Variants in CDH8 observed in about 807,000 individuals in gnomAD.
CDH8 encodes the protein cadherin-8.
In CDH8, 17 loss-of-function variants were observed where a neutral mutation model predicts 68.1. That is an observed-to-expected ratio of 0.25 (90% confidence interval 0.17 to 0.37). The LOEUF (loss-of-function observed/expected upper bound fraction) is 0.37, where lower values mean the gene tolerates loss of function less well. Ranked by LOEUF, CDH8 falls within the 10% of genes least tolerant of loss-of-function variation. The pLI is 1.00. For missense variants in CDH8, 763 were observed against 999.3 expected (o/e 0.76, Z 3.19); for synonymous variants, 372 against 365.1 (o/e 1.02, Z -0.21).
Position 61,803,477 on chromosome 16 carries a change from A to C in CDH8, c.1278-13995T>G, listed in dbSNP as rs1173079020. On this transcript the variant is annotated intron_variant, in intron 7 of 11. Coordinates refer to ENST00000577390, the MANE Select transcript of CDH8 (RefSeq NM_001796.5). ...ATTCACACATAACAATATTAACTTT[A>C]AATGTAAATGGACTAAATTCTCCAT... is the stretch of plus-strand genomic sequence containing the variant. 6.0e-5 allele frequency among the ~76,000 whole-genome samples: 9 copies of C among 150,692 alleles called. No homozygotes were observed. In the South Asian group the frequency reaches 1.9e-3, roughly 32 times the overall value.
In CDH8 at chr16:61,953,895, T is replaced by TTATATATATATATATATATATATATATA. The variant is rs66743095; in HGVS notation, c.253-52450_253-52423dup. Among the ~76,000 whole-genome samples the TTATATATATATATATATATATATATATA allele has an allele frequency of 7.0e-4, 83 of 118,828 alleles. 1 individual carries two copies. The highest frequency in any genetic ancestry group is 2.8e-3 in the African/African-American group (75 of 26,566). 78.0% of individuals were successfully genotyped at this position (118,828 alleles called of 152,430 possible). A position where few individuals can be genotyped will look rare whatever the true frequency, so the allele number is the denominator to read the frequency against. ...CTGTCTCAAAAAGAAAAAAAAAACT[T>TTATATATATATATATATATATATATATA]TATATATATATATATATATATATAT... On this transcript the variant is annotated intron_variant, in intron 2 of 11. Transcript: ENST00000577390.
chr16:61,763,123 C>T (rs535313206), intron 8 of CDH8, among the ~76,000 whole-genome samples: 7 of 152,258 alleles, frequency 4.6e-5, no homozygotes, highest in African/African-American at 1.7e-4. Flanking sequence ...AAAAGAACAA[C>T]AGGAAAGAGT....
intron 9 of CDH8, among the ~76,000 whole-genome samples, chr16:61,723,268 T>C (rs566863621): frequency 6.6e-6 from 1 of 150,820 alleles, no homozygotes; most frequent in Non-Finnish European, 1.5e-5. Context: ...TTCTATATTT[T>C]TCCTTCGTGT....
At chr16:61,824,413 T>G (rs1215923356) in intron 5 of CDH8, among the ~76,000 whole-genome samples, 1 of 151,902 alleles carries the variant, frequency 6.6e-6, no homozygotes, top group Non-Finnish European at 1.5e-5. Context: ...CTTGAATAAA[T>G]GCTCAGAAGA....
intron 2 of CDH8, among the ~76,000 whole-genome samples, chr16:62,012,058 A>G (rs1786731236): frequency 6.6e-6 from 1 of 152,236 alleles, no homozygotes; most frequent in South Asian, 2.1e-4. Context: ...TATAATGGAA[A>G]TGATATGTAC....
At chr16:61,674,840 G>A (rs1010210072) in intron 10 of CDH8, among the ~76,000 whole-genome samples, 8 of 151,662 alleles carry the variant, frequency 5.3e-5, no homozygotes, top group Admixed American at 5.3e-4. Flanking sequence ...AATTTTAGTT[G>A]GTTGCTTTAT....
intron 4 of CDH8, among the ~76,000 whole-genome samples, chr16:61,832,102 A>G (rs757352677): frequency 1.3e-5 from 2 of 151,814 alleles, no homozygotes; most frequent in African/African-American, 4.8e-5. Flanking sequence ...AGTATATATA[A>G]CCAGACATAC....
At chr16:61,739,439 C>T (rs1331694303) in intron 8 of CDH8, among the ~76,000 whole-genome samples, 18 of 151,870 alleles carry the variant, frequency 1.2e-4, no homozygotes, top group Admixed American at 1.2e-3. Context: ...TGTTATACCT[C>T]ACTCTCTCTT....
At chr16:61,751,989 C>G (rs1960179991) in intron 8 of CDH8, among the ~76,000 whole-genome samples, 1 of 151,980 alleles carries the variant, frequency 6.6e-6, no homozygotes, top group African/African-American at 2.4e-5. Context: ...TTATTGAAGG[C>G]TTACTACTCC....
intron 8 of CDH8, among the ~76,000 whole-genome samples, chr16:61,764,380 G>A (rs2142976122): frequency 6.6e-6 from 1 of 152,210 alleles, no homozygotes; most frequent in East Asian, 1.9e-4. Context: ...GAGTTCTTCA[G>A]TACTTGTCCT....
chr16:61,736,554 A>G (rs1000470840), intron 8 of CDH8, among the ~76,000 whole-genome samples: 1 of 152,180 alleles, frequency 6.6e-6, no homozygotes, highest in African/African-American at 2.4e-5. Flanking sequence ...AAAACACAGA[A>G]AAAACAATAA....
At chr16:61,681,355 A>G (rs1229033079) in intron 10 of CDH8, among the ~76,000 whole-genome samples, 1 of 151,926 alleles carries the variant, frequency 6.6e-6, no homozygotes, top group Non-Finnish European at 1.5e-5. Context: ...ATAAGAAACA[A>G]GGTCCTGATA....
intron 2 of CDH8, among the ~76,000 whole-genome samples, chr16:61,996,596 G>C (rs922062249): frequency 5.3e-5 from 8 of 151,912 alleles, no homozygotes; most frequent in African/African-American, 1.9e-4. Flanking sequence ...TAGATAAGAT[G>C]GTCACCAAGA....
At chr16:61,921,020 C>G (rs1010285740) in intron 2 of CDH8, among the ~76,000 whole-genome samples, 14 of 145,142 alleles carry the variant, frequency 9.6e-5, no homozygotes, top group African/African-American at 2.8e-4. Flanking sequence ...AACCAAACAC[C>G]GCATATTCTC....
At chr16:61,667,773 T>C (rs1963708492) in intron 10 of CDH8, 1 of 152,068 alleles carries the variant, frequency 6.6e-6, no homozygotes, top group Non-Finnish European at 1.5e-5. Flanking sequence ...TACATATATT[T>C]ATGATTTACT....
intron 3 of CDH8, among the ~76,000 whole-genome samples, chr16:61,880,167 G>A (rs747534125): frequency 6.6e-6 from 1 of 152,070 alleles, no homozygotes; most frequent in Non-Finnish European, 1.5e-5. Context: ...CTTGTGATCT[G>A]CCTGCCTTGG....
At chr16:61,684,998 CT>C (rs1485796067) in intron 10 of CDH8, among the ~76,000 whole-genome samples, 1 of 151,848 alleles carries the variant, frequency 6.6e-6, no homozygotes, top group Admixed American at 6.6e-5. Context: ...AGTTACCCGC[CT>C]ATTTCCTGTT....
intron 8 of CDH8, among the ~76,000 whole-genome samples, chr16:61,777,806 T>C (rs1250822164): frequency 6.6e-6 from 1 of 152,134 alleles, no homozygotes; most frequent in Non-Finnish European, 1.5e-5. Context: ...CTGCATCACT[T>C]ATCTCCTTGG....
chr16:61,819,679 C>G (rs1180256435), intron 6 of CDH8, among the ~76,000 whole-genome samples: 1 of 151,988 alleles, frequency 6.6e-6, no homozygotes, highest in Non-Finnish European at 1.5e-5. Flanking sequence ...GTGTTAAGAT[C>G]TCTTCAGTGG....
Sources: allele counts gnomAD v4.1 joint callset (sites outside exome capture counted in the v4.1 genomes callset), GRCh38; gene constraint gnomAD v4.1.1; transcripts MANE v1.5; gene names NCBI Gene and HGNC (gene_info 2026-07-23, HGNC 2026-07-21).